Variants in MRPL37 observed in about 807,000 individuals in gnomAD.
The protein encoded by MRPL37 is large ribosomal subunit protein mL37.
MRPL37 carries 34 observed loss-of-function variants against 44.1 expected under a neutral mutation model. That is an observed-to-expected ratio of 0.77 (90% CI 0.59 to 1.03). The LOEUF (loss-of-function observed/expected upper bound fraction) is 1.03. Ranked by LOEUF, MRPL37 falls within the 50% of genes least tolerant of loss-of-function variation. MRPL37 has a pLI of 0.00. For synonymous variants in MRPL37, 212 were observed against 219.5 expected (o/e 0.97, Z 0.30); for missense variants, 532 against 543.7 (o/e 0.98, Z 0.21).
At chr1:54,205,440 G>A (rs1398458841) in intron 3 of MRPL37, 30 bp downstream of exon 3, 1 of 1,585,638 alleles carries the variant, frequency 6.3e-7, no homozygotes, top group East Asian at 2.2e-5. Flanking sequence ...AGAAAGCCTT[G>A]GTCTGTTTTT....
downstream of MRPL37, among the ~76,000 whole-genome samples, chr1:54,218,994 T>G (rs1418729046): frequency 6.6e-6 from 1 of 152,234 alleles, no homozygotes; most frequent in Non-Finnish European, 1.5e-5. Flanking sequence ...GTGCTATAGG[T>G]CAGCTTCCCG....
At position 54,200,297 on chromosome 1, in the gene MRPL37, C is replaced by A; in HGVS notation, c.54C>A (p.Leu18=). 5 of 1,610,486 alleles carry A rather than the reference C, an allele frequency of 3.1e-6. No individual in the cohort carries two copies. The highest frequency in any genetic ancestry group is 4.2e-6 in the Non-Finnish European group (5 of 1,178,646). Residue 18 remains leucine (L), a synonymous_variant, in exon 1 of 7, where the codon CTC becomes CTA. Transcript: ENST00000360840. ...ARRALAGSGQ[L]GLGGFGAPRR... ...GGGCGCTAGCTGGCTCCGGGCAGCT[C>A]GGCCTTGGGGGCTTCGGGGCCCCGA...
downstream of MRPL37, among the ~76,000 whole-genome samples, chr1:54,221,897 G>A (rs1013700231): frequency 5.3e-5 from 8 of 152,182 alleles, no homozygotes; most frequent in Admixed American, 2.0e-4. Context: ...ACAGAATGAG[G>A]GAGACATGGT....
At chr1:54,221,254 T>C (rs1176220253), downstream of MRPL37, among the ~76,000 whole-genome samples, 2 of 151,970 alleles carry the variant, frequency 1.3e-5, no homozygotes, top group Non-Finnish European at 2.9e-5. Context: ...GGCAAGTGTT[T>C]GGCAGAGGCT....
At chr1:54,216,444 C>T (rs1644198224) in intron 6 of MRPL37, 100 bp downstream of exon 6, 1 of 1,389,558 alleles carries the variant, frequency 7.2e-7, no homozygotes, top group African/African-American at 1.4e-5. Context: ...TGAGGAGAGC[C>T]CTGGCCCTGG....
chr1:54,221,300 C>G (rs544684605), downstream of MRPL37, among the ~76,000 whole-genome samples: 126 of 152,258 alleles, frequency 8.3e-4, no homozygotes, highest in African/African-American at 2.9e-3. Flanking sequence ...AGGATCCTCT[C>G]GGGCTTTAGA....
chr1:54,222,127 A>G (rs1276068393), downstream of MRPL37, among the ~76,000 whole-genome samples: 3 of 152,212 alleles, frequency 2.0e-5, no homozygotes, highest in Non-Finnish European at 2.9e-5. Context: ...TCGAGCACCT[A>G]CTGGGCACCA....
chr1:54,206,299 A>G (rs1258529321), intron 3 of MRPL37, among the ~76,000 whole-genome samples: 1 of 151,256 alleles, frequency 6.6e-6, no homozygotes, highest in Non-Finnish European at 1.5e-5. Flanking sequence ...TTTTTAGTAG[A>G]GACAAGGTTT....
chr1:54,204,938 G>C, intron 1 of MRPL37, 80 bp from the exon 2 acceptor site: 1 of 1,493,272 alleles, frequency 6.7e-7, no homozygotes. Flanking sequence ...TTTTTACTAA[G>C]ATGCTACCTG....
chr1:54,202,521 C>G (rs1472964438), intron 1 of MRPL37, among the ~76,000 whole-genome samples: 3 of 149,604 alleles, frequency 2.0e-5, no homozygotes, highest in Non-Finnish European at 4.5e-5. Context: ...CTTTTTTTTT[C>G]TTTCGACAGA....
At chr1:54,220,847 T>C, downstream of MRPL37, 1 of 466,480 alleles carries the variant, frequency 2.1e-6, no homozygotes, top group Non-Finnish European at 4.5e-6. Flanking sequence ...CAGCAGACTT[T>C]TGGAAATGAA....
downstream of MRPL37, among the ~76,000 whole-genome samples, chr1:54,224,092 C>G (rs11206306): frequency 0.16 from 23,836 of 152,218 alleles, 2,113 homozygotes; most frequent in East Asian, 0.36. Flanking sequence ...CTCGTCTGTG[C>G]CTGACTCCTG....
At position 54,212,654 on chromosome 1, in the gene MRPL37, AT is replaced by A. The variant is rs1343293791; in HGVS notation, c.987del (p.Tyr329Ter). The A allele has an allele frequency of 5.0e-6, 8 of 1,613,936 alleles. No individual in the cohort carries two copies. The African/African-American group carries it at 8.0e-5, about 16-fold the overall frequency. On this transcript the variant is annotated frameshift_variant, in exon 5 of 7. Transcript: ENST00000360840. LOFTEE classifies it high-confidence loss of function. ...GCCCTGGCTCAGGCCCGGCTCCTCT[AT>A]GGGGTATGTAGGTGGAGAAGACCAC... ...GSALAQARLLYGNDAKVLEQP... is the reference protein window; with the variant it reads ...GSALAQARLLXGNDAKVLEQP...
At chr1:54,206,257 C>T (rs1386848485) in intron 3 of MRPL37, among the ~76,000 whole-genome samples, 1 of 151,540 alleles carries the variant, frequency 6.6e-6, no homozygotes, top group South Asian at 2.1e-4. Context: ...GGACTACAGG[C>T]GCCCGCCACC....
At chr1:54,220,893 GTC>G, downstream of MRPL37, 1 of 438,016 alleles carries the variant, frequency 2.3e-6, no homozygotes. Context: ...ATTTCTCACT[GTC>G]TCATATATTT....
chr1:54,205,724 GC>G (rs1355514037), intron 3 of MRPL37, among the ~76,000 whole-genome samples: 3 of 152,124 alleles, frequency 2.0e-5, no homozygotes, highest in African/African-American at 7.2e-5. Flanking sequence ...TGTAGCCTCC[GC>G]CCTCACAATG....
chr1:54,209,220 C>A (rs1245521626), intron 3 of MRPL37, among the ~76,000 whole-genome samples: 1 of 152,152 alleles, frequency 6.6e-6, no homozygotes, highest in African/African-American at 2.4e-5. Context: ...TCAGGAAGAT[C>A]TGGATGGGGC....
chr1:54,211,245 T>C (rs1009763205), intron 4 of MRPL37, among the ~76,000 whole-genome samples: 1 of 152,132 alleles, frequency 6.6e-6, no homozygotes, highest in African/African-American at 2.4e-5. Flanking sequence ...ACCTCACATC[T>C]TGACATGTCC....
chr1:54,210,080 C>A lies in MRPL37; in HGVS notation c.781C>A (p.Pro261Thr). ...HVLETFYPISPIIDLHECNIY... is the reference protein window; with the variant it reads ...HVLETFYPISTIIDLHECNIY... ...TCTAGAGACCTTCTACCCCATATCA[C>A]CCATCATCGATCTTCATGAATGCAA... is the stretch of plus-strand genomic sequence containing the variant. The change falls in exon 4 of 7, where the codon CCC becomes ACC. Residue 261 changes from proline (P) to threonine (T), a missense_variant. Coordinates refer to ENST00000360840, the MANE Select transcript of MRPL37 (RefSeq NM_016491.4). The A allele has an allele frequency of 6.2e-7, 1 of 1,614,124 alleles. No homozygotes were observed. Among genetic ancestry groups the A allele is most frequent in the Non-Finnish European group, 8.5e-7 (1 of 1,180,000 alleles).
Sources: allele counts gnomAD v4.1 joint callset (sites outside exome capture counted in the v4.1 genomes callset), GRCh38; gene constraint gnomAD v4.1.1; transcripts MANE v1.5; gene names NCBI Gene and HGNC (gene_info 2026-07-23, HGNC 2026-07-21).